Variants in HERC4 observed in about 807,000 individuals in gnomAD.
HERC4 encodes the protein probable E3 ubiquitin-protein ligase HERC4.
In HERC4, 28 loss-of-function variants were observed where a neutral mutation model predicts 124.3. The ratio of observed to expected loss-of-function variants is 0.23; its 90% CI spans 0.17 to 0.31. The LOEUF (loss-of-function observed/expected upper bound fraction) is 0.31, where lower values mean the gene tolerates loss of function less well. Among genes scored for constraint, HERC4 ranks in the 10% least tolerant of loss-of-function variants. The pLI, the probability that HERC4 is intolerant of heterozygous loss-of-function variation, is 1.00. For synonymous variants in HERC4, 407 were observed against 421.5 expected, an observed-to-expected ratio of 0.97 and a Z score of 0.42; for missense variants, 713 against 1,229.3, an observed-to-expected ratio of 0.58 and a Z score of 6.28.
Position 67,991,196 on chromosome 10 carries a change from C to A in HERC4, c.1275G>T (p.Glu425Asp). 1.3e-6 allele frequency: 2 copies of A among 1,529,084 alleles called. No individual in the cohort carries two copies. Among genetic ancestry groups the A allele is most frequent in the South Asian group, 1.4e-5 (1 of 73,272 alleles). The allele number at this position is 1,529,084 out of a possible 1,614,324, so 94.7% of individuals were successfully genotyped here. A position where few individuals can be genotyped will look rare whatever the true frequency, so the allele number is the denominator to read the frequency against. Residue 425 changes from glutamate to aspartate, a missense_variant, in exon 12 of 25, where the codon GAG becomes GAT. Coordinates refer to ENST00000373700, the MANE Select transcript of HERC4 (RefSeq NM_015601.4). Reference sequence around the variant, plus strand: ...CAGAGGAAGAAAACGTTCCATCTATCTCACTAAAAAATTTAAAAAAGTTTT... The same window carrying A: ...CAGAGGAAGAAAACGTTCCATCTATATCACTAAAAAATTTAAAAAAGTTTT... ...SGRFPVEIAN[E>D]IDGTFSSSGC...
At position 67,956,881 on chromosome 10, in the gene HERC4, C is replaced by A; in HGVS notation, c.2022G>T (p.Met674Ile). 3 of 1,540,932 alleles carry A rather than the reference C, an allele frequency of 1.9e-6. No homozygotes were observed. Among genetic ancestry groups the A allele is most frequent in the Admixed American group, 2.1e-5 (1 of 46,630 alleles). The change falls in exon 17 of 25, where the codon ATG becomes ATT. Residue 674 changes from methionine to isoleucine, a missense_variant. Transcript: ENST00000373700. ...ACCCTCTCAAATAATATTTTACCTG[C>A]ATCTGTAAGACTGCATCGGTCTGTA... ...TLLQTDAVLQ[M>I]QMAIDQAHRQ...
rs34490316 is a variant in HERC4 at position 67,973,202 on chromosome 10, TA to T, written c.1807-6401del. On this transcript the variant is annotated intron_variant, in intron 15 of 24. Coordinates refer to ENST00000373700, the MANE Select transcript of HERC4 (RefSeq NM_015601.4). ...AAAAGGAAAGTGAATGGAAAACATT[TA>T]AAAAAAAAAGGTTTGAAGGAGAACA... Among the ~76,000 whole-genome samples, 805 of 149,168 alleles carry T rather than the reference TA, an allele frequency of 5.4e-3. 10 individuals carry two copies. The highest frequency in any genetic ancestry group is 0.019 in the African/African-American group (754 of 40,628).
intron 19 of HERC4, among the ~76,000 whole-genome samples, chr10:67,953,608 T>C (rs756402288): frequency 6.6e-6 from 1 of 152,146 alleles, no homozygotes; most frequent in Non-Finnish European, 1.5e-5. Context: ...CTGCAGTGAA[T>C]TGAAAAACAT....
chr10:67,992,170 C>G, intron 11 of HERC4, 29 bp downstream of exon 11: 1 of 1,607,780 alleles, frequency 6.2e-7, no homozygotes. Context: ...GCATGAGCCA[C>G]TGTGCCTGGC....
intron 1 of HERC4, chr10:68,073,929 C>A (rs917411638): frequency 6.6e-6 from 1 of 152,156 alleles, no homozygotes; most frequent in Admixed American, 6.5e-5. Context: ...ATTTAAATAT[C>A]AATTCTCTCC....
intron 5 of HERC4, among the ~76,000 whole-genome samples, chr10:68,037,840 C>T (rs1172357807): frequency 6.6e-6 from 1 of 152,110 alleles, no homozygotes; most frequent in Non-Finnish European, 1.5e-5. Context: ...AGGTTCAATA[C>T]TGTAAAGATT....
intron 3 of HERC4, among the ~76,000 whole-genome samples, chr10:68,048,593 T>C (rs1446678666): frequency 6.6e-6 from 1 of 152,174 alleles, no homozygotes; most frequent in African/African-American, 2.4e-5. Flanking sequence ...TACATGTCAT[T>C]ATACATCTGT....
At chr10:68,000,946 T>C (rs1447089246) in intron 9 of HERC4, among the ~76,000 whole-genome samples, 3 of 152,214 alleles carry the variant, frequency 2.0e-5, no homozygotes, top group African/African-American at 7.2e-5. Flanking sequence ...TTGTGGTAGG[T>C]TGTTACAAGC....
rs557631493 is a variant in HERC4 at position 68,055,956 on chromosome 10, T to C, written c.227-11393A>G. Among the ~76,000 whole-genome samples the C allele has an allele frequency of 2.0e-5, 3 of 152,196 alleles. No individual in the cohort carries two copies. The East Asian group carries it at 5.8e-4, about 29-fold the overall frequency. ...TAGTAGAGGGGGGGTTTCACCATGTTGGACCAGGCTGGTCTTGAACTCCTC... is the reference window on the plus strand; with the variant it reads ...TAGTAGAGGGGGGGTTTCACCATGTCGGACCAGGCTGGTCTTGAACTCCTC... On this transcript the variant is annotated intron_variant, in intron 3 of 24. Transcript: ENST00000373700.
chr10:68,034,216 T>G (rs779655175), intron 5 of HERC4, 30 bp from the exon 6 acceptor site: 3 of 1,491,544 alleles, frequency 2.0e-6, no homozygotes, highest in Non-Finnish European at 2.8e-6. Context: ...AAATTAACCA[T>G]TTTTCTCACA....
intron 9 of HERC4, among the ~76,000 whole-genome samples, chr10:67,995,479 C>T (rs2036815653): frequency 2.0e-5 from 3 of 151,674 alleles, no homozygotes; most frequent in Admixed American, 1.3e-4. Flanking sequence ...ATAATTTTTG[C>T]ATGTTTCCTA....
chr10:67,960,988 T>G (rs557624834), intron 16 of HERC4: 100 of 361,000 alleles, frequency 2.8e-4, no homozygotes, highest in African/African-American at 1.9e-3. Context: ...TCTTGCGGAT[T>G]TGGCGGACCT....
chr10:68,002,859 C>G (rs1305186539), intron 9 of HERC4, among the ~76,000 whole-genome samples: 2 of 151,962 alleles, frequency 1.3e-5, no homozygotes, highest in African/African-American at 4.8e-5. Flanking sequence ...CTTGGCCTCC[C>G]AAAGTGCTGG....
Position 68,051,006 on chromosome 10 carries a change from A to G in HERC4, c.227-6443T>C, listed in dbSNP as rs117017721. Among the ~76,000 whole-genome samples, 828 of 152,078 alleles carry G rather than the reference A, an allele frequency of 5.4e-3. 8 individuals carry two copies. Among genetic ancestry groups the G allele is most frequent in the Admixed American group, 0.01 (156 of 15,246 alleles). ...GTTCCAGGTACTATCACCAAAGTAC[A>G]TTTACCTTTAAAGGCCAATAACACA... On this transcript the variant is annotated intron_variant, in intron 3 of 24. Coordinates refer to ENST00000373700, the MANE Select transcript of HERC4 (RefSeq NM_015601.4).
intron 15 of HERC4, among the ~76,000 whole-genome samples, chr10:67,984,636 G>A (rs1326155710): frequency 2.6e-5 from 4 of 152,110 alleles, no homozygotes; most frequent in African/African-American, 7.2e-5. Context: ...AGGCTGGAGT[G>A]CAATGGCACG....
At chr10:67,961,686 C>T (rs1244588619) in intron 16 of HERC4, among the ~76,000 whole-genome samples, 1 of 152,094 alleles carries the variant, frequency 6.6e-6, no homozygotes, top group Non-Finnish European at 1.5e-5. Context: ...TTCTCTTTAA[C>T]TTTGTAGTTG....
chr10:67,960,159 C>A (rs1168356284), intron 16 of HERC4, among the ~76,000 whole-genome samples: 1 of 152,160 alleles, frequency 6.6e-6, no homozygotes, highest in Non-Finnish European at 1.5e-5. Context: ...TGTGATTGAA[C>A]CCCAGTAAAA....
chr10:67,939,002 C>T (rs926958696), intron 21 of HERC4, among the ~76,000 whole-genome samples: 32 of 152,144 alleles, frequency 2.1e-4, no homozygotes, highest in African/African-American at 7.7e-4. Context: ...TGAAATTGTG[C>T]ATCTTTTACA....
chr10:68,074,156 T>G (rs1299402386), intron 1 of HERC4: 1 of 152,202 alleles, frequency 6.6e-6, no homozygotes, highest in East Asian at 1.9e-4. Flanking sequence ...ATTTCCTCAC[T>G]TGTAAAGAAA....
Sources: gnomAD v4.1 joint callset for allele counts (sites outside exome capture counted in the v4.1 genomes callset) on GRCh38, gnomAD v4.1.1 for gene constraint, MANE v1.5 for transcripts, NCBI Gene and HGNC (gene_info 2026-07-23, HGNC 2026-07-21) for gene names.